Variants in SNX16 observed in about 807,000 individuals in gnomAD.
SNX16 encodes the protein sorting nexin 16.
Under a neutral mutation model 36.7 loss-of-function variants are expected in SNX16, and 35 were observed. The observed-to-expected ratio is 0.95, with a 90% CI of 0.73 to 1.27. The LOEUF (loss-of-function observed/expected upper bound fraction) is 1.27. Among genes scored for constraint, SNX16 ranks in the 50% most tolerant of loss-of-function variants. SNX16 has a pLI of 0.00. For missense variants in SNX16, 367 were observed against 393.6 expected, an observed-to-expected ratio of 0.93 and a Z score of 0.57; for synonymous variants, 134 against 132.0, an observed-to-expected ratio of 1.02 and a Z score of -0.10.
chr8:81,837,512 G>T (rs1449400403), intron 2 of SNX16, among the ~76,000 whole-genome samples: 3 of 152,198 alleles, frequency 2.0e-5, no homozygotes, highest in Non-Finnish European at 4.4e-5. Context: ...GATCAAGACA[G>T]TAACAGATTT....
Position 81,827,147 on chromosome 8 carries a change from CA to C in SNX16, c.462+2282del, listed in dbSNP as rs1022066301. 2.9e-3 allele frequency among the ~76,000 whole-genome samples: 445 copies of C among 152,122 alleles called. 2 individuals are homozygous for C. The highest frequency in any genetic ancestry group is 0.01 in the African/African-American group (430 of 41,506). On this transcript the variant is annotated intron_variant, in intron 3 of 7. Coordinates refer to ENST00000345957, the MANE Select transcript of SNX16 (RefSeq NM_152836.3). Reference sequence around the variant, plus strand: ...ATTTTAAATGCCCATCTTGGAGGATCAAGGAGATATTTACTAAATTTAAATT... The same window carrying C: ...ATTTTAAATGCCCATCTTGGAGGATCAGGAGATATTTACTAAATTTAAATT...
In SNX16 at chr8:81,823,876, T is replaced by C; in HGVS notation, c.527A>G (p.Tyr176Cys). Reference protein sequence around the residue: ...LPPKRWFKDNYNADFLEDRQL... With the variant: ...LPPKRWFKDNCNADFLEDRQL... ...TCTGTCTTCTAAAAAGTCAGCATTGTAATTATCTTTAAACCAGCGTTTTGG... is the reference window on the plus strand; with the variant it reads ...TCTGTCTTCTAAAAAGTCAGCATTGCAATTATCTTTAAACCAGCGTTTTGG... Residue 176 changes from tyrosine (Y) to cysteine (C), a missense_variant, in exon 4 of 8, where the codon TAC (tyrosine) becomes TGC (cysteine). Transcript: ENST00000345957. 6.2e-7 allele frequency: 1 copy of C among 1,612,154 alleles called. No individual in the cohort carries two copies. Among genetic ancestry groups the C allele is most frequent in the Non-Finnish European group, 8.5e-7 (1 of 1,179,052 alleles).
At chr8:81,841,785 G>C (rs1482582559) in intron 1 of SNX16, 3 of 152,276 alleles carry the variant, frequency 2.0e-5, no homozygotes, top group Non-Finnish European at 4.4e-5. Context: ...GCAACCCCGT[G>C]GGCGGGAGGA....
chr8:81,841,081 C>G (rs571036596), intron 1 of SNX16, among the ~76,000 whole-genome samples: 1 of 152,216 alleles, frequency 6.6e-6, no homozygotes, highest in African/African-American at 2.4e-5. Flanking sequence ...TGGCTCACGC[C>G]TGTAATCCCA....
intron 5 of SNX16, among the ~76,000 whole-genome samples, chr8:81,811,383 G>C (rs1176578999): frequency 1.3e-5 from 2 of 152,246 alleles, no homozygotes; most frequent in South Asian, 4.1e-4. Flanking sequence ...AAAGGATTCA[G>C]CAGAAACTAA....
chr8:81,802,501 T>C lies in SNX16; in HGVS notation c.819-2A>G, dbSNP rs761019607. The C allele has an allele frequency of 2.5e-6, 4 of 1,601,416 alleles. No individual in the cohort carries two copies. In the African/African-American group the frequency reaches 4.0e-5, roughly 16 times the overall value. Reference sequence around the variant, plus strand: ...TCTTCAGGTTCTAAAGACAATGTTCTAAAAGTATGTTATAGCAACAAGTTA... The same window carrying C: ...TCTTCAGGTTCTAAAGACAATGTTCCAAAAGTATGTTATAGCAACAAGTTA... On this transcript the variant is annotated splice_acceptor_variant, in intron 6 of 7. Coordinates refer to ENST00000345957, the MANE Select transcript of SNX16 (RefSeq NM_152836.3). LOFTEE classifies it high-confidence loss of function.
intron 5 of SNX16, chr8:81,808,555 AT>A: frequency 1.0e-6 from 1 of 1,001,476 alleles, no homozygotes; most frequent in Non-Finnish European, 1.6e-6. Flanking sequence ...AGCTACAATG[AT>A]TTTGGCAGTT....
At position 81,839,770 on chromosome 8, in the gene SNX16, T is replaced by G; in HGVS notation, c.217A>C (p.Ile73Leu). 6.2e-7 allele frequency: 1 copy of G among 1,613,730 alleles called. No homozygotes were observed. The highest frequency in any genetic ancestry group is 8.5e-7 in the Non-Finnish European group (1 of 1,179,634). ...GCTGTACCTGTAAATTTAGTCCTAA[T>G]GAGGGGACTGCTACAGACAGATGAA... is the stretch of plus-strand genomic sequence containing the variant. ...NTSSVCSSPL[I>L]RTKFTGTASS... Residue 73 changes from isoleucine to leucine, a missense_variant, in exon 2 of 8, where the codon ATT (isoleucine) becomes CTT (leucine). Physicochemically the swap from Ile to Leu is conservative, Grantham distance 5. Coordinates refer to ENST00000345957, the MANE Select transcript of SNX16 (RefSeq NM_152836.3).
At chr8:81,818,950 T>C (rs1415328299) in intron 4 of SNX16, among the ~76,000 whole-genome samples, 2 of 152,120 alleles carry the variant, frequency 1.3e-5, no homozygotes, top group African/African-American at 4.8e-5. Flanking sequence ...ATCTCCCAAG[T>C]AGTTTTTTAA....
At chr8:81,829,291 A>AAATTTTTTATAAAAATTTTTATTTTAG in intron 3 of SNX16, 139 bp downstream of exon 3, 1 of 325,642 alleles carries the variant, frequency 3.1e-6, no homozygotes. Context: ...TTTTATTTTA[A>AAATTTTTTATAAAAATTTTTATTTTAG]AAATTTATTT....
intron 4 of SNX16, among the ~76,000 whole-genome samples, chr8:81,822,797 T>C (rs925312281): frequency 2.6e-5 from 4 of 151,842 alleles, no homozygotes; most frequent in African/African-American, 9.7e-5. Context: ...GACAACTGCA[T>C]ATATCAATCT....
intron 2 of SNX16, among the ~76,000 whole-genome samples, chr8:81,831,229 C>G (rs1156822791): frequency 1.3e-5 from 2 of 152,106 alleles, no homozygotes; most frequent in East Asian, 3.8e-4. Flanking sequence ...ACTAAGTTCT[C>G]AAAAGCAACT....
At position 81,801,531 on chromosome 8, in the gene SNX16, A is replaced by G. The variant is rs527239550; in HGVS notation, c.1001T>C (p.Val334Ala). 1.9e-6 allele frequency: 3 copies of G among 1,597,010 alleles called. No homozygotes were observed. In the South Asian group the frequency reaches 3.3e-5, roughly 18 times the overall value. Residue 334 changes from valine (V) to alanine (A), a missense_variant, in exon 8 of 8, where the codon GTA (valine) becomes GCA (alanine). Coordinates refer to ENST00000345957, the MANE Select transcript of SNX16 (RefSeq NM_152836.3). Reference sequence around the variant, plus strand: ...TTCAGCATCATATGCCACTTCTGCTACTTCTATCTCTGATACAGCATTTTC... The same window carrying G: ...TTCAGCATCATATGCCACTTCTGCTGCTTCTATCTCTGATACAGCATTTTC... Reference protein sequence around the residue: ...EPENAVSEIEVAEVAYDAEED With the variant: ...EPENAVSEIEAAEVAYDAEED
Position 81,841,403 on chromosome 8 carries a change from A to G in SNX16, c.-97+719T>C, listed in dbSNP as rs140130419. 2.9e-3 allele frequency among the ~76,000 whole-genome samples: 438 copies of G among 151,654 alleles called. 2 individuals carry two copies. Among genetic ancestry groups the G allele is most frequent in the African/African-American group, 0.01 (422 of 41,294 alleles). ...CTCTCGGCAACATTTCCCCATTATC[A>G]AAGATTCATGAAACTTTAGCTGCTG... On this transcript the variant is annotated intron_variant, in intron 1 of 7. Transcript: ENST00000345957.
At chr8:81,820,305 A>T (rs752516907) in intron 4 of SNX16, among the ~76,000 whole-genome samples, 4 of 152,064 alleles carry the variant, frequency 2.6e-5, no homozygotes, top group Non-Finnish European at 5.9e-5. Context: ...TGTTGGATAC[A>T]ATCAAGCTTT....
At chr8:81,819,242 G>A (rs12544174) in intron 4 of SNX16, among the ~76,000 whole-genome samples, 99,002 of 151,852 alleles carry the variant, frequency 0.65, 32,603 homozygotes, top group South Asian at 0.69. Context: ...GAATGGTAAA[G>A]TATTTGCTGT....
intron 4 of SNX16, among the ~76,000 whole-genome samples, chr8:81,821,992 G>C (rs1340603794): frequency 6.6e-6 from 1 of 152,134 alleles, no homozygotes; most frequent in African/African-American, 2.4e-5. Context: ...AATGATTTAA[G>C]TGATTGTCTC....
In SNX16 at chr8:81,801,566, A is replaced by C. The variant is rs760700307; in HGVS notation, c.966T>G (p.Phe322Leu). ...SRADNKPCLS[F>L]SEPENAVSEI... Reference sequence around the variant, plus strand: ...CTGATACAGCATTTTCAGGTTCACTAAAACTTAAGCATGGTTTATTATCAG... The same window carrying C: ...CTGATACAGCATTTTCAGGTTCACTCAAACTTAAGCATGGTTTATTATCAG... Residue 322 changes from phenylalanine (F) to leucine (L), a missense_variant, in exon 8 of 8, where the codon TTT becomes TTG. Phe to Leu is a conservative substitution (Grantham distance 22). Coordinates refer to ENST00000345957, the MANE Select transcript of SNX16 (RefSeq NM_152836.3). The C allele has an allele frequency of 6.3e-7, 1 of 1,592,862 alleles. No homozygotes were observed. Among genetic ancestry groups the C allele is most frequent in the East Asian group, 2.3e-5 (1 of 44,400 alleles).
intron 3 of SNX16, among the ~76,000 whole-genome samples, chr8:81,828,519 G>A (rs1262558204): frequency 6.6e-6 from 1 of 152,048 alleles, no homozygotes; most frequent in Non-Finnish European, 1.5e-5. Flanking sequence ...ATACACTGAG[G>A]TTTATTATTC....
Sources: allele counts gnomAD v4.1 joint callset (sites outside exome capture counted in the v4.1 genomes callset), GRCh38; gene constraint gnomAD v4.1.1; transcripts MANE v1.5; gene names NCBI Gene and HGNC (gene_info 2026-07-23, HGNC 2026-07-21).